The following RGS7 variants were observed in gnomAD, a reference collection of about 807,000 sequenced individuals.
RGS7 encodes the protein regulator of G protein signaling 7, also known as regulator of G-protein signaling 7.
In RGS7, 27 loss-of-function variants were observed where a neutral mutation model predicts 81.1. That is an observed-to-expected ratio of 0.33 (90% CI 0.25 to 0.46). The LOEUF (loss-of-function observed/expected upper bound fraction) is 0.46. RGS7 is among the 20% of genes least tolerant of loss of function. The pLI is 1.00. For synonymous variants in RGS7, 208 were observed against 207.7 expected, an observed-to-expected ratio of 1.00 and a Z score of -0.01; for missense variants, 396 against 607.4, an observed-to-expected ratio of 0.65 and a Z score of 3.66.
At chr1:241,261,145 G>C (rs999470128) in intron 2 of RGS7, among the ~76,000 whole-genome samples, 4 of 151,916 alleles carry the variant, frequency 2.6e-5, no homozygotes, top group Admixed American at 1.3e-4. Flanking sequence ...TTAACAAAAG[G>C]CTTCTTCGAA....
At chr1:240,874,377 G>A (rs1471775443) in intron 6 of RGS7, among the ~76,000 whole-genome samples, 1 of 152,086 alleles carries the variant, frequency 6.6e-6, no homozygotes, top group African/African-American at 2.4e-5. Context: ...CAAGAACCAT[G>A]AACTGAGGCC....
At chr1:241,068,224 T>TTGTGTGTGTGTGTGTGTG (rs71568983) in intron 3 of RGS7, among the ~76,000 whole-genome samples, 6,747 of 54,018 alleles carry the variant, frequency 0.12, 2,033 homozygotes, top group East Asian at 0.4. Context: ...TATCCATAAA[T>TTGTGTGTGTGTGTGTGTG]TGTGTGTGTG....
intron 2 of RGS7, among the ~76,000 whole-genome samples, chr1:241,131,814 C>T (rs1015299093): frequency 6.6e-6 from 1 of 152,114 alleles, no homozygotes. Context: ...ACTTTGGCTC[C>T]CTCTGCAAGC....
intron 2 of RGS7, among the ~76,000 whole-genome samples, chr1:241,316,695 A>G (rs1247760292): frequency 2.0e-5 from 3 of 152,128 alleles, no homozygotes; most frequent in African/African-American, 4.8e-5. Flanking sequence ...ATCCATATTT[A>G]TCATAGATAT....
At chr1:241,138,287 G>C (rs1230637813) in intron 2 of RGS7, among the ~76,000 whole-genome samples, 3 of 152,052 alleles carry the variant, frequency 2.0e-5, no homozygotes, top group Admixed American at 6.5e-5. Context: ...AAGTGATACA[G>C]GTATCAGAAA....
At chr1:240,794,053 A>C (rs1686574784) in intron 18 of RGS7, among the ~76,000 whole-genome samples, 1 of 152,176 alleles carries the variant, frequency 6.6e-6, no homozygotes, top group African/African-American at 2.4e-5. Flanking sequence ...TGTAAAATCA[A>C]AACCTTCCTT....
intron 2 of RGS7, among the ~76,000 whole-genome samples, chr1:241,319,807 C>T (rs548788536): frequency 2.0e-5 from 3 of 152,100 alleles, no homozygotes; most frequent in Non-Finnish European, 4.4e-5. Context: ...TTAAAAAGTT[C>T]GAAGGCCGGG....
At chr1:241,311,286 G>GTTTTTAT (rs1340682440) in intron 2 of RGS7, among the ~76,000 whole-genome samples, 2 of 151,948 alleles carry the variant, frequency 1.3e-5, no homozygotes, top group African/African-American at 4.8e-5. Context: ...AAAGAAACAG[G>GTTTTTAT]GTGCAACGCT....
chr1:240,890,245 T>C (rs995326987), intron 6 of RGS7, among the ~76,000 whole-genome samples: 36 of 152,286 alleles, frequency 2.4e-4, no homozygotes, highest in African/African-American at 8.2e-4. Flanking sequence ...CTCTGCCTTC[T>C]GGGTTCAAGT....
At chr1:240,829,749 A>G (rs1464870188) in intron 9 of RGS7, among the ~76,000 whole-genome samples, 1 of 152,074 alleles carries the variant, frequency 6.6e-6, no homozygotes, top group Non-Finnish European at 1.5e-5. Flanking sequence ...GTGAGCTGTG[A>G]CTGAGCCACC....
intron 9 of RGS7, among the ~76,000 whole-genome samples, chr1:240,848,222 T>A (rs981653406): frequency 6.6e-6 from 1 of 152,172 alleles, no homozygotes; most frequent in Non-Finnish European, 1.5e-5. Flanking sequence ...AAGCTTATGA[T>A]TAAAGTGATT....
At chr1:241,102,114 T>C (rs565009762) in intron 2 of RGS7, among the ~76,000 whole-genome samples, 74 of 152,346 alleles carry the variant, frequency 4.9e-4, no homozygotes, top group Admixed American at 1.5e-3. Context: ...CGTGATCATG[T>C]ACATGCATTC....
intron 9 of RGS7, among the ~76,000 whole-genome samples, chr1:240,835,171 C>G (rs1331535446): frequency 6.6e-6 from 1 of 151,886 alleles, no homozygotes; most frequent in Admixed American, 6.6e-5. Flanking sequence ...AATGAGAAGA[C>G]AGGCCACAAA....
At chr1:240,921,172 A>C (rs1184418630) in intron 6 of RGS7, among the ~76,000 whole-genome samples, 1 of 152,190 alleles carries the variant, frequency 6.6e-6, no homozygotes, top group Non-Finnish European at 1.5e-5. Flanking sequence ...GAAATAGCCA[A>C]GCAAAATCAT....
At chr1:241,095,870 T>C (rs575850202) in intron 3 of RGS7, among the ~76,000 whole-genome samples, 3 of 152,352 alleles carry the variant, frequency 2.0e-5, no homozygotes, top group Admixed American at 6.5e-5. Context: ...ACTGGAACTA[T>C]GTGGCTGTAA....
At chr1:241,092,384 T>G (rs979482241) in intron 3 of RGS7, among the ~76,000 whole-genome samples, 18 of 152,226 alleles carry the variant, frequency 1.2e-4, no homozygotes, top group Non-Finnish European at 4.4e-5. Context: ...AAGGATTTTT[T>G]AGCTGGTATG....
chr1:240,998,313 T>C (rs1411002344), intron 3 of RGS7: 1 of 421,212 alleles, frequency 2.4e-6, no homozygotes, highest in Admixed American at 4.2e-5. Context: ...ATTTATCCTA[T>C]TTGGGCTTCT....
In RGS7 at chr1:241,300,380, GTATCAAA is replaced by G. The variant is rs946154659; in HGVS notation, c.78+55312_78+55318del. Reference sequence around the variant, plus strand: ...ATAATGACATATATCCACCATTAGGGTATCAAATATCAAAAATCAAATCCTGTGTTCC... The same window carrying G: ...ATAATGACATATATCCACCATTAGGGTATCAAAAATCAAATCCTGTGTTCC... On this transcript the variant is annotated intron_variant, in intron 2 of 18. Coordinates refer to ENST00000440928, the MANE Select transcript of RGS7 (RefSeq NM_001364886.1). Among the ~76,000 whole-genome samples, 48 of 152,232 alleles carry G rather than the reference GTATCAAA, an allele frequency of 3.2e-4. 1 individual carries two copies. Among genetic ancestry groups the G allele is most frequent in the African/African-American group, 1.2e-3 (48 of 41,548 alleles).
At position 241,209,628 on chromosome 1, in the gene RGS7, G is replaced by A. The variant is rs532711960; in HGVS notation, c.79-110866C>T. On this transcript the variant is annotated intron_variant, in intron 2 of 18. Coordinates refer to ENST00000440928, the MANE Select transcript of RGS7 (RefSeq NM_001364886.1). Reference sequence around the variant, plus strand: ...AGGCAGGAGGATCACTTGAACCCAGGAGTTTGAGACCAGCCTGGGCAACAT... The same window carrying A: ...AGGCAGGAGGATCACTTGAACCCAGAAGTTTGAGACCAGCCTGGGCAACAT... Among the ~76,000 whole-genome samples, 108 of 152,212 alleles carry A rather than the reference G, an allele frequency of 7.1e-4. No individual in the cohort carries two copies. The Middle Eastern group carries it at 0.014, about 19-fold the overall frequency.
Sources: allele counts gnomAD v4.1 joint callset (sites outside exome capture counted in the v4.1 genomes callset), GRCh38; gene constraint gnomAD v4.1.1; transcripts MANE v1.5; gene names NCBI Gene and HGNC (gene_info 2026-07-23, HGNC 2026-07-21).